The following PREX1 variants were observed in gnomAD, a reference collection of about 807,000 sequenced individuals.
The protein encoded by PREX1 is phosphatidylinositol-3,4,5-trisphosphate dependent Rac exchange factor 1.
PREX1 carries 41 observed loss-of-function variants against 198.3 expected under a neutral mutation model. That is an observed-to-expected ratio of 0.21 (90% confidence interval 0.16 to 0.27). The LOEUF is 0.27. PREX1 is among the 10% of genes least tolerant of loss of function. PREX1 has a pLI of 1.00. For synonymous variants in PREX1, 843 were observed against 887.2 expected (o/e 0.95, Z 0.89); for missense variants, 1,620 against 2,200.7 (o/e 0.74, Z 5.28).
At chr20:48,632,164 G>T in intron 35 of PREX1, 113 bp downstream of exon 35, 1 of 953,016 alleles carries the variant, frequency 1.0e-6, no homozygotes. Context: ...CTCAAGAAAG[G>T]GTGTGCGGCC....
At chr20:48,649,158 A>T in intron 25 of PREX1, 142 bp downstream of exon 25, 1 of 1,254,344 alleles carries the variant, frequency 8.0e-7, no homozygotes, top group South Asian at 1.6e-5. Context: ...TGGATAGACG[A>T]AAAAGATACT....
intron 17 of PREX1, among the ~76,000 whole-genome samples, 169 bp from the exon 18 acceptor site, chr20:48,657,357 T>C (rs146303764): frequency 7.5e-4 from 114 of 152,296 alleles, no homozygotes; most frequent in African/African-American, 2.7e-3. Context: ...ACAAGGGACC[T>C]GGTTCTGCCT....
chr20:48,863,401 G>T, the PREX1 span, among the ~76,000 whole-genome samples: 19 of 151,940 alleles, frequency 1.3e-4, no homozygotes, highest in African/African-American at 4.6e-4. Flanking sequence ...AGGTAGAATA[G>T]TTTCACTGCC....
At chr20:48,680,209 T>C (rs534511196) in intron 11 of PREX1, among the ~76,000 whole-genome samples, 26 of 152,226 alleles carry the variant, frequency 1.7e-4, no homozygotes, top group African/African-American at 6.0e-4. Flanking sequence ...ATGCTTCAGA[T>C]CCATTAGCAA....
At chr20:48,699,797 G>A (rs2089864858) in intron 7 of PREX1, among the ~76,000 whole-genome samples, 2 of 152,158 alleles carry the variant, frequency 1.3e-5, no homozygotes, top group South Asian at 4.1e-4. Flanking sequence ...ACACATATCT[G>A]CCAGTCTTCA....
At chr20:48,842,275 C>T in the PREX1 span, among the ~76,000 whole-genome samples, 1 of 152,116 alleles carries the variant, frequency 6.6e-6, no homozygotes, top group African/African-American at 2.4e-5. Context: ...AATAACTTTC[C>T]CTTTTTTTAA....
the PREX1 span, among the ~76,000 whole-genome samples, chr20:48,883,984 CA>C: frequency 2.0e-5 from 3 of 151,836 alleles, no homozygotes; most frequent in African/African-American, 7.3e-5. Context: ...ACTAAAAATA[CA>C]AAAAACTAGC....
At chr20:48,716,066 G>A (rs2123105890) in intron 5 of PREX1, among the ~76,000 whole-genome samples, 1 of 152,274 alleles carries the variant, frequency 6.6e-6, no homozygotes. Flanking sequence ...TCTAAGTAGG[G>A]CAGGTCCTGG....
At chr20:48,716,620 C>T (rs2089963682) in intron 5 of PREX1, among the ~76,000 whole-genome samples, 1 of 152,194 alleles carries the variant, frequency 6.6e-6, no homozygotes, top group South Asian at 2.1e-4. Flanking sequence ...CTGCTTCCAC[C>T]TGCTCCTCTC....
intron 5 of PREX1, among the ~76,000 whole-genome samples, chr20:48,713,857 T>TAA (rs71337452): frequency 4.9e-4 from 40 of 81,552 alleles, no homozygotes; most frequent in African/African-American, 9.9e-4. Flanking sequence ...CCCAGAACTA[T>TAA]AAAAAAAAAA....
In PREX1 at chr20:48,679,383, G is replaced by A. The variant is rs781022961; in HGVS notation, c.1566C>T (p.His522=). Residue 522 remains histidine (H), a synonymous_variant, in exon 13 of 40, where the codon CAC becomes CAT. Transcript: ENST00000371941. The part of the protein sequence containing the change: ...SKGVRLYCRL[H]SLYTPVIKDR... ...ACTTGATCACCGGGGTGTAGAGGCT[G>A]TGAAGACGGCAGTAAAGCCTCACAC... is the stretch of plus-strand genomic sequence containing the variant. 2 of 1,613,746 alleles carry A rather than the reference G, an allele frequency of 1.2e-6. No homozygotes were observed. The highest frequency in any genetic ancestry group is 3.3e-5 in the Admixed American group (2 of 59,996).
At chr20:48,811,417 A>G (rs535307496) in intron 1 of PREX1, among the ~76,000 whole-genome samples, 2 of 152,310 alleles carry the variant, frequency 1.3e-5, no homozygotes, top group African/African-American at 4.8e-5. Flanking sequence ...GGTTCTGATC[A>G]TAAGTAAAAG....
At chr20:48,741,005 T>C (rs956709245) in intron 3 of PREX1, among the ~76,000 whole-genome samples, 19 of 152,180 alleles carry the variant, frequency 1.2e-4, no homozygotes, top group Admixed American at 8.5e-4. Flanking sequence ...TTTTGTTAAG[T>C]GAATCAATTT....
intron 10 of PREX1, 86 bp downstream of exon 10, chr20:48,688,571 C>T: frequency 6.4e-7 from 1 of 1,560,914 alleles, no homozygotes; most frequent in East Asian, 2.3e-5. Context: ...TGGGCAGGGC[C>T]AGGCTGCATG....
intron 1 of PREX1, among the ~76,000 whole-genome samples, chr20:48,790,780 A>G (rs2090335552): frequency 6.6e-6 from 1 of 152,136 alleles, no homozygotes; most frequent in African/African-American, 2.4e-5. Flanking sequence ...ACCTTTCCCC[A>G]CAGCCACAGC....
At chr20:48,847,874 T>C in the PREX1 span, among the ~76,000 whole-genome samples, 1 of 152,248 alleles carries the variant, frequency 6.6e-6, no homozygotes, top group Non-Finnish European at 1.5e-5. Flanking sequence ...CTATGTGCTT[T>C]TTTGTGTCTG....
chr20:48,764,076 CTT>C (rs1328343210), intron 1 of PREX1, among the ~76,000 whole-genome samples: 1 of 152,218 alleles, frequency 6.6e-6, no homozygotes, highest in Non-Finnish European at 1.5e-5. Flanking sequence ...CTAACCCTCT[CTT>C]GCGATCTCAG....
the PREX1 span, among the ~76,000 whole-genome samples, chr20:48,835,773 G>A: frequency 1.3e-5 from 2 of 152,182 alleles, no homozygotes; most frequent in African/African-American, 4.8e-5. Context: ...AAACAGAGGA[G>A]AGCTATGACC....
chr20:48,741,803 G>A (rs1222051155), intron 3 of PREX1, among the ~76,000 whole-genome samples: 1 of 152,154 alleles, frequency 6.6e-6, no homozygotes, highest in Non-Finnish European at 1.5e-5. Context: ...GGAGAGAGCC[G>A]CAGGGATGTC....
Sources: allele counts gnomAD v4.1 joint callset (sites outside exome capture counted in the v4.1 genomes callset), GRCh38; gene constraint gnomAD v4.1.1; transcripts MANE v1.5; gene names NCBI Gene and HGNC (gene_info 2026-07-23, HGNC 2026-07-21).